The following CINP variants were observed in gnomAD, a reference collection of about 807,000 sequenced individuals.
CINP encodes the protein cyclin dependent kinase 2 interacting protein, also known as cyclin-dependent kinase 2-interacting protein.
In CINP, 11 loss-of-function variants were observed where a neutral mutation model predicts 20.5. That is an observed-to-expected ratio of 0.54 (90% CI 0.34 to 0.89). The LOEUF (loss-of-function observed/expected upper bound fraction) is 0.89. Ranked by LOEUF, CINP falls within the 40% of genes least tolerant of loss-of-function variation. CINP has a pLI of 0.02. For synonymous variants in CINP, 108 were observed against 102.1 expected, an observed-to-expected ratio of 1.06 and a Z score of -0.35; for missense variants, 213 against 251.0, an observed-to-expected ratio of 0.85 and a Z score of 1.02.
At chr14:102,362,272 G>T (rs1371832995) in intron 1 of CINP, among the ~76,000 whole-genome samples, 1 of 152,166 alleles carries the variant, frequency 6.6e-6, no homozygotes, top group African/African-American at 2.4e-5. Context: ...CAGCGTCACA[G>T]GACAGGGTAG....
At position 102,350,183 on chromosome 14, in the gene CINP, C is replaced by T. The variant is rs1344862413; in HGVS notation, c.307-135G>A. 1.4e-5 allele frequency: 10 copies of T among 698,438 alleles called. No homozygotes were observed. In the East Asian group the frequency reaches 3.0e-4, roughly 21 times the overall value. The allele number at this position is 698,438 out of a possible 1,614,324, so 43.3% of individuals were successfully genotyped here. On this transcript the variant is annotated intron_variant, in intron 3 of 4. Coordinates refer to ENST00000216756, the MANE Select transcript of CINP (RefSeq NM_032630.3). The stretch of plus-strand genomic sequence containing the variant: ...TTCCAATAACTAAACACTGTTAACT[C>T]TACGTACAGCAAATTCCCAGGGAGA...
rs1368271648 is a variant in CINP, at chr14:102,348,620, C to T, written c.576G>A (p.Val192=). The change falls in exon 5 of 5, where the codon GTG becomes GTA. Residue 192 remains valine (V), a synonymous_variant. Transcript: ENST00000216756. The part of the protein sequence containing the change: ...YLSMWLHQPY[V]ESDSRLHLES... Reference sequence around the variant, plus strand: ...CCAGATGCAGCCTGCTGTCGCTCTCCACATAGGGCTGGTGCAGCCACATGG... The same window carrying T: ...CCAGATGCAGCCTGCTGTCGCTCTCTACATAGGGCTGGTGCAGCCACATGG... The T allele has an allele frequency of 1.2e-6, 2 of 1,613,958 alleles. No individual in the cohort carries two copies. The highest frequency in any genetic ancestry group is 1.7e-6 in the Non-Finnish European group (2 of 1,179,954).
At position 102,362,873 on chromosome 14, in the gene CINP, A is replaced by C; in HGVS notation, c.-22T>G. The C allele has an allele frequency of 6.2e-7, 1 of 1,613,760 alleles. No homozygotes were observed. The highest frequency in any genetic ancestry group is 2.2e-5 in the East Asian group (1 of 44,860). ...CCATAAGGTCCACAGATATCCGTAG[A>C]AGGAGACGCGAAGCCCCGCCCACCC... On this transcript the variant is annotated 5_prime_UTR_variant, in exon 1 of 5. Coordinates refer to ENST00000216756, the MANE Select transcript of CINP (RefSeq NM_032630.3).
At chr14:102,358,625 G>A (rs991816315) in intron 2 of CINP, among the ~76,000 whole-genome samples, 5 of 152,114 alleles carry the variant, frequency 3.3e-5, no homozygotes, top group Admixed American at 3.3e-4. Context: ...AAGTTAGAGT[G>A]AGCCAAGATC....
chr14:102,362,693 C>T, intron 1 of CINP, 152 bp downstream of exon 1: 7 of 1,018,592 alleles, frequency 6.9e-6, no homozygotes, highest in Non-Finnish European at 1.1e-5. Flanking sequence ...GCAGAGGCTG[C>T]GAGGGGCCTG....
intron 2 of CINP, among the ~76,000 whole-genome samples, chr14:102,356,303 C>A (rs1886996620): frequency 6.6e-6 from 1 of 151,744 alleles, no homozygotes; most frequent in Non-Finnish European, 1.5e-5. Flanking sequence ...TATGTGGTCC[C>A]AGCTACTTAG....
At chr14:102,362,084 G>A (rs944071856) in intron 1 of CINP, among the ~76,000 whole-genome samples, 6 of 152,194 alleles carry the variant, frequency 3.9e-5, no homozygotes, top group African/African-American at 7.2e-5. Context: ...GTAAATGGAG[G>A]AATAGCTCTT....
intron 3 of CINP, among the ~76,000 whole-genome samples, chr14:102,354,278 G>C (rs1165822944): frequency 6.6e-6 from 1 of 152,114 alleles, no homozygotes. Context: ...AGTCTCTTAC[G>C]TGCTGTATCA....
Position 102,348,600 on chromosome 14 carries a change from T to G in CINP, c.596A>C (p.His199Pro). 6.2e-7 allele frequency: 1 copy of G among 1,613,558 alleles called. No individual in the cohort carries two copies. The highest frequency in any genetic ancestry group is 8.5e-7 in the Non-Finnish European group (1 of 1,179,872). Residue 199 changes from histidine (H) to proline (P), a missense_variant, in exon 5 of 5, where the codon CAT becomes CCT. By Grantham distance (77) the His-to-Pro change is moderately conservative. Transcript: ENST00000216756. ...QPYVESDSRLHLESMLLETGH... is the reference protein window; with the variant it reads ...QPYVESDSRLPLESMLLETGH... ...TGTCTCCAGCAGCATGCTCTCCAGA[T>G]GCAGCCTGCTGTCGCTCTCCACATA...
chr14:102,357,220 A>C (rs558654182), intron 2 of CINP, among the ~76,000 whole-genome samples: 2 of 152,118 alleles, frequency 1.3e-5, no homozygotes, highest in South Asian at 4.2e-4. Flanking sequence ...TCTCTACTAA[A>C]ATACAAAAGA....
At position 102,359,453 on chromosome 14, in the gene CINP, C is replaced by T. The variant is rs754831981; in HGVS notation, c.142G>A (p.Ala48Thr). ...ATTTTCAAGTTGGCAATATTATTTG[C>T]AGTGGTAAAACCTGCATCATTGAGG... ...ETLNDAGFTT[A>T]NNIANLKISL... The change falls in exon 2 of 5, where the codon GCA (alanine) becomes ACA (threonine). Residue 48 changes from alanine to threonine, a missense_variant. Physicochemically the swap from Ala to Thr is moderately conservative, Grantham distance 58. Coordinates refer to ENST00000216756, the MANE Select transcript of CINP (RefSeq NM_032630.3). 2 of 1,600,696 alleles carry T rather than the reference C, an allele frequency of 1.2e-6. No homozygotes were observed. Among genetic ancestry groups the T allele is most frequent in the East Asian group, 2.3e-5 (1 of 44,382 alleles).
At chr14:102,359,783 T>C (rs1446224334) in intron 1 of CINP, among the ~76,000 whole-genome samples, 196 bp from the exon 2 acceptor site, 1 of 152,200 alleles carries the variant, frequency 6.6e-6, no homozygotes, top group African/African-American at 2.4e-5. Context: ...TTTTAACATT[T>C]TAAAATTCAC....
Position 102,350,051 on chromosome 14 carries a change from G to A in CINP, c.307-3C>T. ...TCCATTTTCACCTGTATTTTGGTCT[G>A]AAAGATATCCATTTGGAATATGATA... On this transcript the variant is annotated splice_polypyrimidine_tract_variant and splice_region_variant and intron_variant, in intron 3 of 4. Transcript: ENST00000216756. 6.2e-7 allele frequency: 1 copy of A among 1,608,160 alleles called. No individual in the cohort carries two copies. The highest frequency in any genetic ancestry group is 8.5e-7 in the Non-Finnish European group (1 of 1,176,246).
chr14:102,355,384 G>A (rs1251279473), intron 3 of CINP, among the ~76,000 whole-genome samples: 61 of 151,864 alleles, frequency 4.0e-4, no homozygotes, highest in Admixed American at 3.9e-3. Context: ...GCATGGTGGC[G>A]GACGCCTGTA....
intron 1 of CINP, among the ~76,000 whole-genome samples, chr14:102,361,178 G>T (rs1354411672): frequency 6.6e-6 from 1 of 152,046 alleles, no homozygotes; most frequent in East Asian, 1.9e-4. Flanking sequence ...AAATAGGGTA[G>T]GTCAGTAGTA....
At chr14:102,362,298 G>A (rs1205915299) in intron 1 of CINP, among the ~76,000 whole-genome samples, 1 of 152,198 alleles carries the variant, frequency 6.6e-6, no homozygotes, top group Non-Finnish European at 1.5e-5. Context: ...GGGCACAGTG[G>A]CTAAGTTACT....
intron 3 of CINP, among the ~76,000 whole-genome samples, chr14:102,354,466 A>G (rs928443627): frequency 3.3e-5 from 5 of 152,212 alleles, no homozygotes; most frequent in African/African-American, 1.2e-4. Flanking sequence ...CCAAAGATAA[A>G]GATTTCCTGG....
intron 1 of CINP, among the ~76,000 whole-genome samples, chr14:102,361,415 G>A (rs754774462): frequency 2.6e-4 from 39 of 152,164 alleles, no homozygotes; most frequent in Non-Finnish European, 8.8e-5. Context: ...CAAGGCGGGC[G>A]GATCACGAGG....
chr14:102,353,689 G>A (rs1886925951), intron 3 of CINP, among the ~76,000 whole-genome samples: 1 of 152,148 alleles, frequency 6.6e-6, no homozygotes, highest in Admixed American at 6.6e-5. Context: ...CATTGTCAAA[G>A]TCATCAAAAA....
Sources: gnomAD v4.1 joint callset for allele counts (sites outside exome capture counted in the v4.1 genomes callset) on GRCh38, gnomAD v4.1.1 for gene constraint, MANE v1.5 for transcripts, NCBI Gene and HGNC (gene_info 2026-07-23, HGNC 2026-07-21) for gene names.